The following EML4 variants were observed in gnomAD, a reference collection of about 807,000 sequenced individuals.
EML4 encodes the protein echinoderm microtubule-associated protein-like 4.
A neutral mutation model predicts 129.0 loss-of-function variants in EML4; 72 were observed. The observed-to-expected ratio is 0.56, with a 90% confidence interval of 0.46 to 0.68. The LOEUF (loss-of-function observed/expected upper bound fraction) is 0.68. Ranked by LOEUF, EML4 falls within the 30% of genes least tolerant of loss-of-function variation. The probability of loss-of-function intolerance (pLI) is 0.00; values close to 1 mark genes in which losing one functional copy is unlikely to be tolerated. For synonymous variants in EML4, 532 were observed against 405.0 expected, an observed-to-expected ratio of 1.31 and a Z score of -3.77; for missense variants, 1,363 against 1,190.6, an observed-to-expected ratio of 1.14 and a Z score of -2.13.
chr2:42,267,947 T>C (rs566520774), intron 6 of EML4, among the ~76,000 whole-genome samples: 3 of 152,352 alleles, frequency 2.0e-5, no homozygotes, highest in Admixed American at 6.5e-5. Flanking sequence ...TACAATAATA[T>C]TCACTTTGGT....
intron 1 of EML4, among the ~76,000 whole-genome samples, chr2:42,200,766 A>C (rs1159526935): frequency 6.6e-6 from 1 of 152,208 alleles, no homozygotes; most frequent in Non-Finnish European, 1.5e-5. Flanking sequence ...TTTTGCAGAC[A>C]CTCATAGTCT....
intron 1 of EML4, among the ~76,000 whole-genome samples, chr2:42,232,712 TTTTTG>T (rs1174358263): frequency 6.6e-6 from 1 of 152,040 alleles, no homozygotes; most frequent in Non-Finnish European, 1.5e-5. Flanking sequence ...TGTAAAGGCC[TTTTTG>T]TTTTGTTTTT....
In EML4 at chr2:42,330,438, T is replaced by A. The variant is rs2103853377; in HGVS notation, c.*231T>A. 1 of 598,646 alleles carries A rather than the reference T, an allele frequency of 1.7e-6. No individual in the cohort carries two copies. The highest frequency in any genetic ancestry group is 2.9e-5 in the East Asian group (1 of 33,986). 37.1% of individuals were successfully genotyped at this position (598,646 alleles called of 1,614,324 possible). ...AACTTAATACTAGGAGAAGACTGAA[T>A]CATTAATGATGTCTCACAAATTACT... On this transcript the variant is annotated 3_prime_UTR_variant, in exon 23 of 23. Coordinates refer to ENST00000318522, the MANE Select transcript of EML4 (RefSeq NM_019063.5).
rs1248380345 is a variant in EML4 at position 42,264,863 on chromosome 2, A to C, written c.667+132A>C. 8.5e-6 allele frequency: 13 copies of C among 1,523,942 alleles called. No individual in the cohort carries two copies. In the East Asian group the frequency reaches 2.9e-4, roughly 34 times the overall value. The allele number at this position is 1,523,942 out of a possible 1,614,324, so 94.4% of individuals were successfully genotyped here. Reference sequence around the variant, plus strand: ...CAAAGAAAAGTGCGTTACTGTAGTCATTTAGGAAAAAACCCAGTTTTTATT... The same window carrying C: ...CAAAGAAAAGTGCGTTACTGTAGTCCTTTAGGAAAAAACCCAGTTTTTATT... On this transcript the variant is annotated intron_variant, in intron 6 of 22. Coordinates refer to ENST00000318522, the MANE Select transcript of EML4 (RefSeq NM_019063.5).
chr2:42,263,515 C>T (rs1322750783), intron 5 of EML4, among the ~76,000 whole-genome samples: 20 of 148,048 alleles, frequency 1.4e-4, no homozygotes, highest in Non-Finnish European at 1.0e-4. Flanking sequence ...AGCAATTCTC[C>T]TGCCTCGGCC....
chr2:42,254,268 A>C (rs1001015491), intron 2 of EML4, among the ~76,000 whole-genome samples: 3 of 152,158 alleles, frequency 2.0e-5, no homozygotes, highest in African/African-American at 7.2e-5. Flanking sequence ...CAGCCTGGGC[A>C]ATGTGGCAAA....
chr2:42,219,889 G>T (rs1673455966), intron 1 of EML4, among the ~76,000 whole-genome samples: 2 of 150,248 alleles, frequency 1.3e-5, no homozygotes, highest in Admixed American at 1.3e-4. Flanking sequence ...TCGTGCTACT[G>T]CAGTGCAGCC....
At chr2:42,312,344 G>A (rs1669006695) in intron 17 of EML4, among the ~76,000 whole-genome samples, 1 of 152,086 alleles carries the variant, frequency 6.6e-6, no homozygotes, top group Admixed American at 6.6e-5. Flanking sequence ...GGAAGGGAAG[G>A]TCATGCCTCG....
At chr2:42,195,627 C>T (rs948255437) in intron 1 of EML4, among the ~76,000 whole-genome samples, 1 of 152,104 alleles carries the variant, frequency 6.6e-6, no homozygotes, top group Non-Finnish European at 1.5e-5. Flanking sequence ...TTCTGAGATA[C>T]CAGCATTAAA....
chr2:42,285,605 C>CT (rs368135466), intron 9 of EML4, among the ~76,000 whole-genome samples: 1,441 of 136,470 alleles, frequency 0.011, 5 homozygotes, highest in Middle Eastern at 0.022. Flanking sequence ...TTCTTTTTTT[C>CT]TTTTTTTTTT....
rs1187983741 is a variant in EML4 at position 42,264,869 on chromosome 2, G to GA, written c.667+144dup. 5.2e-6 allele frequency: 8 copies of GA among 1,537,972 alleles called. No homozygotes were observed. The African/African-American group carries it at 5.5e-5, about 11-fold the overall frequency. Reference sequence around the variant, plus strand: ...AAAGTGCGTTACTGTAGTCATTTAGGAAAAAACCCAGTTTTTATTGTAAGG... The same window carrying GA: ...AAAGTGCGTTACTGTAGTCATTTAGGAAAAAAACCCAGTTTTTATTGTAAGG... On this transcript the variant is annotated intron_variant, in intron 6 of 22. Coordinates refer to ENST00000318522, the MANE Select transcript of EML4 (RefSeq NM_019063.5).
At position 42,303,176 on chromosome 2, in the gene EML4, C is replaced by T. The variant is rs770664063; in HGVS notation, c.1714C>T (p.Arg572Ter). 6 of 1,613,898 alleles carry T rather than the reference C, an allele frequency of 3.7e-6. No individual in the cohort carries two copies. The highest frequency in any genetic ancestry group is 3.3e-5 in the Admixed American group (2 of 59,990). ...AGATCAATTTTTAGTAGGCACATCA[C>T]GAAACTTTATTTTACGAGGAACATT... is the stretch of plus-strand genomic sequence containing the variant. ...KADQFLVGTS[R>*]NFILRGTFND... Residue 572 changes from arginine to a stop codon, truncating the protein, a stop_gained, in exon 15 of 23, where the codon CGA becomes TGA. Coordinates refer to ENST00000318522, the MANE Select transcript of EML4 (RefSeq NM_019063.5). LOFTEE classifies it high-confidence loss of function.
intron 2 of EML4, among the ~76,000 whole-genome samples, chr2:42,248,761 A>G (rs1047861602): frequency 6.6e-6 from 1 of 152,100 alleles, no homozygotes; most frequent in African/African-American, 2.4e-5. Flanking sequence ...AAGATGGTTC[A>G]TTCTTTGAGT....
intron 1 of EML4, among the ~76,000 whole-genome samples, chr2:42,188,078 C>A (rs1028520404): frequency 3.9e-5 from 6 of 152,098 alleles, no homozygotes; most frequent in African/African-American, 1.4e-4. Flanking sequence ...TTGAACTAAT[C>A]GGAAAGATTA....
intron 1 of EML4, among the ~76,000 whole-genome samples, chr2:42,240,980 A>T (rs1674992884): frequency 6.6e-6 from 1 of 152,116 alleles, no homozygotes; most frequent in African/African-American, 2.4e-5. Flanking sequence ...CTCCATATCT[A>T]CAAAAAAATA....
intron 1 of EML4, among the ~76,000 whole-genome samples, chr2:42,232,157 A>C (rs1674386715): frequency 6.6e-6 from 1 of 152,206 alleles, no homozygotes; most frequent in Admixed American, 6.5e-5. Flanking sequence ...TGGGTCTCAC[A>C]AGCTTTTTCC....
rs35669886 is a variant in EML4 at position 42,303,191 on chromosome 2, C to A, written c.1729C>A (p.Arg577=). The change falls in exon 15 of 23, where the codon CGA becomes AGA. Residue 577 remains arginine, a synonymous_variant. Transcript: ENST00000318522. The part of the protein sequence containing the change: ...LVGTSRNFIL[R]GTFNDGFQIE... ...AGGCACATCACGAAACTTTATTTTA[C>A]GAGGAACATTTAATGATGGCTTCCA... is the stretch of plus-strand genomic sequence containing the variant. 39,041 of 1,613,936 alleles carry A rather than the reference C, an allele frequency of 0.024. 559 individuals carry two copies. Among genetic ancestry groups the A allele is most frequent in the Non-Finnish European group, 0.028 (33,284 of 1,179,920 alleles).
intron 1 of EML4, among the ~76,000 whole-genome samples, chr2:42,224,473 T>C (rs1673821812): frequency 6.6e-6 from 1 of 152,180 alleles, no homozygotes; most frequent in African/African-American, 2.4e-5. Context: ...TTGGGTTATT[T>C]CTACTTTTTG....
chr2:42,169,768 A>G, intron 1 of EML4, 132 bp downstream of exon 1: 2 of 1,029,198 alleles, frequency 1.9e-6, no homozygotes, highest in South Asian at 3.4e-5. Flanking sequence ...GTTCCCTTCG[A>G]GGCTGCCGCC....
Sources: gnomAD v4.1 joint callset for allele counts (sites outside exome capture counted in the v4.1 genomes callset) on GRCh38, gnomAD v4.1.1 for gene constraint, MANE v1.5 for transcripts, NCBI Gene and HGNC (gene_info 2026-07-23, HGNC 2026-07-21) for gene names.